PCBP3: variants seen among roughly 807,000 people sequenced by gnomAD.
The protein encoded by PCBP3 is poly(rC) binding protein 3, also known as poly(rC)-binding protein 3.
Under a neutral mutation model 52.7 loss-of-function variants are expected in PCBP3, and 25 were observed. The observed-to-expected ratio is 0.47, with a 90% confidence interval of 0.35 to 0.66. PCBP3 has a LOEUF of 0.66. Ranked by LOEUF, PCBP3 falls within the 30% of genes least tolerant of loss-of-function variation. PCBP3 has a pLI of 0.01. For missense variants in PCBP3, 391 were observed against 490.3 expected, an observed-to-expected ratio of 0.80 and a Z score of 1.91; for synonymous variants, 162 against 183.0, an observed-to-expected ratio of 0.89 and a Z score of 0.93.
At position 45,725,538 on chromosome 21, in the gene PCBP3, C is replaced by T. The variant is rs552674270; in HGVS notation, c.-199-9854C>T. Among the ~76,000 whole-genome samples the T allele has an allele frequency of 6.2e-4, 94 of 152,334 alleles. 1 individual carries two copies. Among genetic ancestry groups the T allele is most frequent in the Middle Eastern group, 6.8e-3 (2 of 294 alleles). On this transcript the variant is annotated intron_variant, in intron 2 of 17. Coordinates refer to ENST00000681687, the MANE Select transcript of PCBP3 (RefSeq NM_001384156.1). ...GGGGCAGTGCCTGCCTGTCCTCTCT[C>T]CATTAAGCCTCTGCTGGGGGCCTGC... is the stretch of plus-strand genomic sequence containing the variant.
chr21:45,889,795 A>G (rs1398070088), intron 5 of PCBP3, among the ~76,000 whole-genome samples: 9 of 152,352 alleles, frequency 5.9e-5, no homozygotes, highest in Admixed American at 1.3e-4. Context: ...ACTGGCATCC[A>G]GGGAACAGCT....
At chr21:45,839,193 A>G (rs1569293832) in intron 4 of PCBP3, among the ~76,000 whole-genome samples, 1 of 152,056 alleles carries the variant, frequency 6.6e-6, no homozygotes, top group Non-Finnish European at 1.5e-5. Flanking sequence ...CATAATTTCT[A>G]TTGACTTACT....
At chr21:45,888,378 G>T (rs2095571497) in intron 5 of PCBP3, among the ~76,000 whole-genome samples, 1 of 152,254 alleles carries the variant, frequency 6.6e-6, no homozygotes, top group Non-Finnish European at 1.5e-5. Context: ...GTGGATTTCA[G>T]TCTGCTCCTT....
At chr21:45,823,287 T>C (rs1256494515) in intron 4 of PCBP3, among the ~76,000 whole-genome samples, 2 of 152,208 alleles carry the variant, frequency 1.3e-5, no homozygotes, top group Admixed American at 1.3e-4. Context: ...TGCTCTGCTG[T>C]GCCAGGAACA....
intron 5 of PCBP3, chr21:45,858,827 G>T (rs978115421): frequency 6.6e-6 from 1 of 152,154 alleles, no homozygotes; most frequent in African/African-American, 2.4e-5. Flanking sequence ...GAATCATGGG[G>T]GCGGGTCTTT....
chr21:45,815,221 GAGTGA>G (rs1196692382), intron 4 of PCBP3, among the ~76,000 whole-genome samples: 2 of 88,076 alleles, frequency 2.3e-5, no homozygotes, highest in Admixed American at 2.0e-4. Flanking sequence ...AGTGAGTGGT[GAGTGA>G]TGAGTGGTGA....
intron 2 of PCBP3, among the ~76,000 whole-genome samples, chr21:45,715,649 T>C (rs939103978): frequency 1.3e-5 from 2 of 152,188 alleles, no homozygotes; most frequent in African/African-American, 4.8e-5. Context: ...GCACTTGTTA[T>C]TGTCTGTCTT....
chr21:45,909,789 GACCCCCCC>G (rs1352557168), intron 10 of PCBP3, among the ~76,000 whole-genome samples: 3 of 15,802 alleles, frequency 1.9e-4, no homozygotes, highest in African/African-American at 8.1e-4. Flanking sequence ...CCCAGATACG[GACCCCCCC>G]CCCACCCACT....
chr21:45,661,390 C>T (rs1222665861), intron 1 of PCBP3, among the ~76,000 whole-genome samples: 4 of 152,070 alleles, frequency 2.6e-5, no homozygotes, highest in Non-Finnish European at 4.4e-5. Context: ...CCCATATTCT[C>T]TCGTAAGTGA....
intron 15 of PCBP3, among the ~76,000 whole-genome samples, chr21:45,933,640 T>C (rs1195457334): frequency 6.6e-6 from 1 of 152,206 alleles, no homozygotes; most frequent in African/African-American, 2.4e-5. Flanking sequence ...TAAAAGAATA[T>C]AAAGAACAGA....
At chr21:45,717,047 G>T (rs957894522) in intron 2 of PCBP3, among the ~76,000 whole-genome samples, 1 of 151,800 alleles carries the variant, frequency 6.6e-6, no homozygotes, top group Non-Finnish European at 1.5e-5. Context: ...GTAGTTTTTG[G>T]TGTATAAGTC....
chr21:45,916,005 C>G (rs2073341545), intron 12 of PCBP3: 1 of 152,328 alleles, frequency 6.6e-6, no homozygotes, highest in Non-Finnish European at 1.5e-5. Context: ...GATGCCCCAC[C>G]ACTGTGAGTG....
chr21:45,784,300 C>T (rs1290918550), intron 4 of PCBP3, among the ~76,000 whole-genome samples: 2 of 150,084 alleles, frequency 1.3e-5, no homozygotes, highest in Non-Finnish European at 3.0e-5. Context: ...GTAGAAAATT[C>T]CTGGATGGAC....
intron 4 of PCBP3, among the ~76,000 whole-genome samples, chr21:45,769,246 C>T (rs2838995): frequency 0.18 from 26,895 of 152,218 alleles, 2,517 homozygotes; most frequent in Middle Eastern, 0.33. Flanking sequence ...CAGTGCTCTC[C>T]CATGGTTATT....
chr21:45,758,871 A>G (rs538868701), intron 4 of PCBP3, among the ~76,000 whole-genome samples: 5 of 152,234 alleles, frequency 3.3e-5, no homozygotes, highest in Non-Finnish European at 7.4e-5. Flanking sequence ...ATAGCTTTTT[A>G]TCAGGTTAAG....
rs548204626 is a variant in PCBP3 at position 45,653,393 on chromosome 21, T to G, written c.-279+9525T>G. Among the ~76,000 whole-genome samples the G allele has an allele frequency of 1.4e-4, 21 of 152,314 alleles. 1 individual carries two copies. Among genetic ancestry groups the G allele is most frequent in the African/African-American group, 4.6e-4 (19 of 41,576 alleles). On this transcript the variant is annotated intron_variant, in intron 1 of 17. Transcript: ENST00000681687. ...GTTCTGCCAGTTTTTATGTATAAATTTTTGAGACTGTGTTGTCAGGGCCAC... is the reference window on the plus strand; with the variant it reads ...GTTCTGCCAGTTTTTATGTATAAATGTTTGAGACTGTGTTGTCAGGGCCAC...
chr21:45,866,762 G>T (rs2148539733), intron 5 of PCBP3, among the ~76,000 whole-genome samples: 1 of 152,216 alleles, frequency 6.6e-6, no homozygotes, highest in South Asian at 2.1e-4. Context: ...CCCTGCCAGA[G>T]GCTCCAGCAC....
Position 45,899,581 on chromosome 21 carries a change from A to AT in PCBP3, c.166-8dup, listed in dbSNP as rs145892465. The AT allele has an allele frequency of 3.3e-3, 4,876 of 1,455,614 alleles. No homozygotes were observed. The highest frequency in any genetic ancestry group is 3.8e-3 in the Non-Finnish European group (4,084 of 1,061,096). 90.2% of individuals were successfully genotyped at this position (1,455,614 alleles called of 1,614,324 possible). ...TGCTCTATGACATCATCTTTCTGTG[A>AT]TTTTTTTTTTCTTGCAGGAAGTTGG... On this transcript the variant is annotated splice_polypyrimidine_tract_variant and intron_variant, in intron 6 of 17. Coordinates refer to ENST00000681687, the MANE Select transcript of PCBP3 (RefSeq NM_001384156.1).
rs531849892 is a variant in PCBP3, at chr21:45,913,636, C to T, written c.601-315C>T. On this transcript the variant is annotated intron_variant, in intron 11 of 17. Transcript: ENST00000681687. ...GCCTCCCACAATGGGACTGACTCTCCGCACTGCCACAGAGCCTCCCAGGGA... is the reference window on the plus strand; with the variant it reads ...GCCTCCCACAATGGGACTGACTCTCTGCACTGCCACAGAGCCTCCCAGGGA... Among the ~76,000 whole-genome samples, 7 of 152,334 alleles carry T rather than the reference C, an allele frequency of 4.6e-5. No individual in the cohort carries two copies. In the South Asian group the frequency reaches 6.2e-4, roughly 14 times the overall value.
Sources: gnomAD v4.1 joint callset for allele counts (sites outside exome capture counted in the v4.1 genomes callset) on GRCh38, gnomAD v4.1.1 for gene constraint, MANE v1.5 for transcripts, NCBI Gene and HGNC (gene_info 2026-07-23, HGNC 2026-07-21) for gene names.